The following EDC4 variants were observed in gnomAD, a reference collection of about 807,000 sequenced individuals.
EDC4 encodes the protein enhancer of mRNA decapping 4, also known as enhancer of mRNA-decapping protein 4.
A neutral mutation model predicts 155.8 loss-of-function variants in EDC4; 64 were observed. The ratio of observed to expected loss-of-function variants is 0.41; its 90% CI spans 0.34 to 0.51. The LOEUF (loss-of-function observed/expected upper bound fraction) is 0.51, where lower values mean the gene tolerates loss of function less well. Among genes scored for constraint, EDC4 ranks in the 20% least tolerant of loss-of-function variants. The probability of loss-of-function intolerance (pLI) is 0.19; values close to 1 mark genes in which losing one functional copy is unlikely to be tolerated. For synonymous variants in EDC4, 684 were observed against 716.8 expected (o/e 0.95, Z 0.73); for missense variants, 1,303 against 1,812.5 (o/e 0.72, Z 5.10).
Position 67,877,892 on chromosome 16 carries a change from A to G in EDC4, c.894+47A>G. On this transcript the variant is annotated intron_variant, in intron 7 of 28. Transcript: ENST00000358933. The surrounding 1 kb of genome is among the most constrained non-coding windows in gnomAD (Gnocchi z 4.9). ...TCCCCTGCCCTCCCCACTTCCTCAT[A>G]TCCATCTTCTGTTCCCTATATCCAC... 2.5e-6 allele frequency: 4 copies of G among 1,608,880 alleles called. 1 individual carries two copies. The highest frequency in any genetic ancestry group is 1.7e-6 in the Non-Finnish European group (2 of 1,177,838).
At position 67,878,518 on chromosome 16, in the gene EDC4, T is replaced by C; in HGVS notation, c.1089-18T>C. 1.2e-6 allele frequency: 2 copies of C among 1,614,252 alleles called. No homozygotes were observed. The highest frequency in any genetic ancestry group is 1.7e-6 in the Non-Finnish European group (2 of 1,180,042). On this transcript the variant is annotated intron_variant, in intron 9 of 28. Coordinates refer to ENST00000358933, the MANE Select transcript of EDC4 (RefSeq NM_014329.5). The surrounding 1 kb of genome is among the most constrained non-coding windows in gnomAD (Gnocchi z 5.2). ...GCAGGGGCCCCAGCCAGTCACTCAC[T>C]GCCTTGTTGCCTTGCAGTGTCCCTT...
chr16:67,875,815 T>A (rs1406870331), intron 1 of EDC4, 130 bp from the exon 2 acceptor site: 31 of 1,492,074 alleles, frequency 2.1e-5, no homozygotes, highest in Non-Finnish European at 2.7e-5. Context: ...AGGGCCCTCC[T>A]CCTCATGGAC....
At position 67,880,461 on chromosome 16, in the gene EDC4, G is replaced by A. The variant is rs2058062132; in HGVS notation, c.2098-96G>A. 1 of 1,492,524 alleles carries A rather than the reference G, an allele frequency of 6.7e-7. No individual in the cohort carries two copies. Among genetic ancestry groups the A allele is most frequent in the South Asian group, 1.2e-5 (1 of 80,146 alleles). 92.5% of individuals were successfully genotyped at this position (1,492,524 alleles called of 1,614,324 possible). A position where few individuals can be genotyped will look rare whatever the true frequency, so the allele number is the denominator to read the frequency against. On this transcript the variant is annotated intron_variant, in intron 17 of 28. Coordinates refer to ENST00000358933, the MANE Select transcript of EDC4 (RefSeq NM_014329.5). This position sits in a 1 kb window ranked among gnomAD's most constrained non-coding sequence, Gnocchi z 5.2. ...TGTATCCCCACTTCCCTGCTGCCCT[G>A]TCTCTCATTACTGCTAATACTAATG...
chr16:67,880,947 G>A lies in EDC4; in HGVS notation c.2488G>A (p.Ala830Thr). 1 of 1,613,986 alleles carries A rather than the reference G, an allele frequency of 6.2e-7. No homozygotes were observed. Among genetic ancestry groups the A allele is most frequent in the Non-Finnish European group, 8.5e-7 (1 of 1,179,996 alleles). Residue 830 changes from alanine to threonine, a missense_variant, in exon 18 of 29, where the codon GCA becomes ACA. Ala to Thr is a moderately conservative substitution (Grantham distance 58). Coordinates refer to ENST00000358933, the MANE Select transcript of EDC4 (RefSeq NM_014329.5). This position sits in a 1 kb window ranked among gnomAD's most constrained non-coding sequence, Gnocchi z 5.2. ...TCCTGACAGTCAGGTTTGGCCCACA[G>A]CACCTGACATTACTCGTGAGACCTG... ...STPDSQVWPT[A>T]PDITRETCST...
Position 67,881,103 on chromosome 16 carries a change from C to T in EDC4, c.2559C>T (p.His853=), listed in dbSNP as rs775833063. The change falls in exon 19 of 29, where the codon CAC becomes CAT. Residue 853 remains histidine (H), a synonymous_variant. Coordinates refer to ENST00000358933, the MANE Select transcript of EDC4 (RefSeq NM_014329.5). The surrounding 1 kb of genome is among the most constrained non-coding windows in gnomAD (Gnocchi z 5.4). The part of the protein sequence containing the change: ...ESPRNGLQEK[H]KSLAFHRPPY... ...CCAGGAATGGCCTTCAGGAAAAGCA[C>T]AAGAGCCTGGCCTTCCACCGACCAC... The T allele has an allele frequency of 8.1e-6, 13 of 1,614,112 alleles. No individual in the cohort carries two copies. The highest frequency in any genetic ancestry group is 1.1e-5 in the Non-Finnish European group (13 of 1,180,026).
In EDC4 at chr16:67,879,355, C is replaced by G. The variant is rs746998128; in HGVS notation, c.1541+46C>G. Reference sequence around the variant, plus strand: ...GCCAGTGTCCTGTCTGTGTCTGTCTCCACTCTACTGACCCTTGCCCTTGGA... The same window carrying G: ...GCCAGTGTCCTGTCTGTGTCTGTCTGCACTCTACTGACCCTTGCCCTTGGA... On this transcript the variant is annotated intron_variant, in intron 13 of 28. Transcript: ENST00000358933. This position sits in a 1 kb window ranked among gnomAD's most constrained non-coding sequence, Gnocchi z 6.0. 1.2e-6 allele frequency: 2 copies of G among 1,614,092 alleles called. No individual in the cohort carries two copies. Among genetic ancestry groups the G allele is most frequent in the Non-Finnish European group, 1.7e-6 (2 of 1,180,040 alleles).
chr16:67,877,199 C>G lies in EDC4; in HGVS notation c.452-18C>G. On this transcript the variant is annotated intron_variant, in intron 4 of 28. Transcript: ENST00000358933. The surrounding 1 kb of genome is among the most constrained non-coding windows in gnomAD (Gnocchi z 4.9). ...AGCCTGGATACGTATTCATGGTCCA[C>G]TGCTCTCCTGATTCCAGCTGCCAAC... 1 of 1,606,694 alleles carries G rather than the reference C, an allele frequency of 6.2e-7. No homozygotes were observed. Among genetic ancestry groups the G allele is most frequent in the Non-Finnish European group, 8.5e-7 (1 of 1,175,750 alleles).
intron 1 of EDC4, chr16:67,875,651 T>C: frequency 9.7e-7 from 1 of 1,030,540 alleles, no homozygotes; most frequent in Non-Finnish European, 1.2e-6. Flanking sequence ...ATGCCCTCAC[T>C]CAGTCCACAG....
rs1179389148 is a variant in EDC4 at position 67,878,457 on chromosome 16, C to T, written c.1088+14C>T. On this transcript the variant is annotated intron_variant, in intron 9 of 28. Coordinates refer to ENST00000358933, the MANE Select transcript of EDC4 (RefSeq NM_014329.5). The surrounding 1 kb of genome is among the most constrained non-coding windows in gnomAD (Gnocchi z 5.2). ...ACAAGACCCTGAGTGAGTGAGTGGG[C>T]AGCCTAGTGGGTGGTGGGCTGGACC... The T allele has an allele frequency of 6.2e-7, 1 of 1,614,074 alleles. No homozygotes were observed. Among genetic ancestry groups the T allele is most frequent in the African/African-American group, 1.3e-5 (1 of 74,936 alleles).
chr16:67,883,286 T>A lies in EDC4; in HGVS notation c.3849+109T>A, dbSNP rs2058078572. ...TTTGCACCTTCTGGCCCCAGCAGAC[T>A]GTTCTTGGTTCCCTTTGGCCTCCAG... On this transcript the variant is annotated intron_variant, in intron 27 of 28. Coordinates refer to ENST00000358933, the MANE Select transcript of EDC4 (RefSeq NM_014329.5). The surrounding 1 kb of genome is among the most constrained non-coding windows in gnomAD (Gnocchi z 5.3). 1.4e-6 allele frequency: 2 copies of A among 1,449,612 alleles called. No individual in the cohort carries two copies. The highest frequency in any genetic ancestry group is 1.8e-6 in the Non-Finnish European group (2 of 1,097,310). 89.8% of individuals were successfully genotyped at this position (1,449,612 alleles called of 1,614,324 possible).
Position 67,879,409 on chromosome 16 carries a change from C to A in EDC4, c.1542-3C>A. 24 of 1,614,208 alleles carry A rather than the reference C, an allele frequency of 1.5e-5. No homozygotes were observed. The highest frequency in any genetic ancestry group is 1.9e-5 in the Non-Finnish European group (23 of 1,180,026). ...CTTTATTCTCCCCCTTCTTTTCCTG[C>A]AGGGCACTGCAAGATGTGCAGATCC... On this transcript the variant is annotated splice_region_variant and splice_polypyrimidine_tract_variant and intron_variant, in intron 13 of 28. Coordinates refer to ENST00000358933, the MANE Select transcript of EDC4 (RefSeq NM_014329.5). This position sits in a 1 kb window ranked among gnomAD's most constrained non-coding sequence, Gnocchi z 6.0.
chr16:67,873,300 G>C lies in EDC4; in HGVS notation c.39G>C (p.Thr13=). Residue 13 remains threonine, a synonymous_variant, in exon 1 of 29, where the codon ACG becomes ACC. Transcript: ENST00000358933. The part of the protein sequence containing the change: ...SCASIDIEDA[T]QHLRDILKLD... ...CGAGCATCGACATCGAGGACGCCAC[G>C]CAGCACCTGCGGGACATCCTCAAGC... 6.8e-7 allele frequency: 1 copy of C among 1,476,856 alleles called. No homozygotes were observed. Among genetic ancestry groups the C allele is most frequent in the African/African-American group, 1.5e-5 (1 of 68,410 alleles). The allele number at this position is 1,476,856 out of a possible 1,614,324, so 91.5% of individuals were successfully genotyped here. A position where few individuals can be genotyped will look rare whatever the true frequency, so the allele number is the denominator to read the frequency against.
intron 1 of EDC4, 146 bp from the exon 2 acceptor site, chr16:67,875,799 G>GTT (rs2058038918): frequency 6.8e-7 from 1 of 1,473,326 alleles, no homozygotes. Context: ...AACGAGAGAT[G>GTT]AACACAGGGC....
rs1448574665 is a variant in EDC4, at chr16:67,881,625, A to G, written c.2827-43A>G. The G allele has an allele frequency of 2.5e-6, 4 of 1,610,870 alleles. No homozygotes were observed. In the East Asian group the frequency reaches 6.7e-5, roughly 27 times the overall value. On this transcript the variant is annotated intron_variant, in intron 21 of 28. Transcript: ENST00000358933. This position sits in a 1 kb window ranked among gnomAD's most constrained non-coding sequence, Gnocchi z 5.4. ...CCATTCCCTGGTCTGGTGTGTGGGA[A>G]TAGGTGGGGCAGGCATCGTGTGACT...
In EDC4 at chr16:67,873,205, G is replaced by A; in HGVS notation, c.-57G>A. The stretch of plus-strand genomic sequence containing the variant: ...CCGTGGCGGGTGAGCGAGGGTGCGT[G>A]GTGCGCGGCGGCGGCGGAACGAACG... On this transcript the variant is annotated 5_prime_UTR_variant, in exon 1 of 29. Coordinates refer to ENST00000358933, the MANE Select transcript of EDC4 (RefSeq NM_014329.5). 7.8e-7 allele frequency: 1 copy of A among 1,279,598 alleles called. No individual in the cohort carries two copies. Among genetic ancestry groups the A allele is most frequent in the South Asian group, 1.8e-5 (1 of 57,030 alleles). 79.3% of individuals were successfully genotyped at this position (1,279,598 alleles called of 1,614,324 possible).
Position 67,884,011 on chromosome 16 carries a change from C to A in EDC4, c.4069C>A (p.His1357Asn), listed in dbSNP as rs780323874. Residue 1357 changes from histidine (H) to asparagine (N), a missense_variant, in exon 29 of 29, where the codon CAC becomes AAC. By Grantham distance (68) the His-to-Asn change is moderately conservative (BLOSUM62 1). Coordinates refer to ENST00000358933, the MANE Select transcript of EDC4 (RefSeq NM_014329.5). The surrounding 1 kb of genome is among the most constrained non-coding windows in gnomAD (Gnocchi z 4.1). The part of the protein sequence containing the change: ...LDHSDPITRD[H>N]MGSVMAQVRQ... ...CCACAGTGACCCCATCACTCGGGAC[C>A]ACATGGGCTCCGTTATGGCCCAGGT... 6.2e-7 allele frequency: 1 copy of A among 1,613,962 alleles called. No individual in the cohort carries two copies. The highest frequency in any genetic ancestry group is 1.3e-5 in the African/African-American group (1 of 74,934).
At position 67,880,101 on chromosome 16, in the gene EDC4, T is replaced by C. The variant is rs1483388098; in HGVS notation, c.1982T>C (p.Leu661Pro). 1.9e-6 allele frequency: 3 copies of C among 1,612,050 alleles called. No homozygotes were observed. Among genetic ancestry groups the C allele is most frequent in the Non-Finnish European group, 2.5e-6 (3 of 1,178,846 alleles). Residue 661 changes from leucine (L) to proline (P), a missense_variant, in exon 17 of 29, where the codon CTG (leucine) becomes CCG (proline). By Grantham distance (98) the Leu-to-Pro change is moderately conservative (BLOSUM62 -3). Around this residue, in one of 5 missense-constraint regions of EDC4, gnomAD observed 391 missense variants for 445.4 expected, o/e 0.88. Transcript: ENST00000358933. This position sits in a 1 kb window ranked among gnomAD's most constrained non-coding sequence, Gnocchi z 5.2. ...CTGACCTTGAGCCCCAAGCTGCAGCTGGATGGCAGCCTGACAATGAGCAGC... is the reference window on the plus strand; with the variant it reads ...CTGACCTTGAGCCCCAAGCTGCAGCCGGATGGCAGCCTGACAATGAGCAGC... The part of the protein sequence containing the change: ...EELTLSPKLQ[L>P]DGSLTMSSSG...
Position 67,883,793 on chromosome 16 carries a change from G to T in EDC4, c.4013+62G>T. The T allele has an allele frequency of 1.3e-6, 2 of 1,585,680 alleles. No individual in the cohort carries two copies. The highest frequency in any genetic ancestry group is 1.3e-5 in the African/African-American group (1 of 74,478). On this transcript the variant is annotated intron_variant, in intron 28 of 28. Transcript: ENST00000358933. This position sits in a 1 kb window ranked among gnomAD's most constrained non-coding sequence, Gnocchi z 5.3. ...GGGAGTGGGGCAGTGGGAGGGAGCA[G>T]TTTGAAGCTGACGCCCACTTCTGCC...
In EDC4 at chr16:67,879,320, G is replaced by C. The variant is rs1031651335; in HGVS notation, c.1541+11G>C. On this transcript the variant is annotated intron_variant, in intron 13 of 28. Transcript: ENST00000358933. This position sits in a 1 kb window ranked among gnomAD's most constrained non-coding sequence, Gnocchi z 6.0. ...TTGTGTGCATACTAAGTGAGTGAGT[G>C]GGGAGGCCCGCCAGTGTCCTGTCTG... The C allele has an allele frequency of 1.2e-6, 2 of 1,614,058 alleles. No individual in the cohort carries two copies. Among genetic ancestry groups the C allele is most frequent in the African/African-American group, 2.7e-5 (2 of 74,932 alleles).
Sources: gnomAD v4.1 joint callset for allele counts on GRCh38, gnomAD v4.1.1 for gene constraint, gnomAD v4.1.1 regional missense constraint, Gnocchi (gnomAD v3.1) non-coding constraint, MANE v1.5 for transcripts, NCBI Gene and HGNC (gene_info 2026-07-23, HGNC 2026-07-21) for gene names.